The following PLCXD3 variants were observed in gnomAD, a reference collection of about 807,000 sequenced individuals.
PLCXD3 encodes the protein phosphatidylinositol specific phospholipase C X domain containing 3.
A neutral mutation model predicts 25.5 loss-of-function variants in PLCXD3; 19 were observed. That is an observed-to-expected ratio of 0.75 (90% CI 0.52 to 1.09). The LOEUF (loss-of-function observed/expected upper bound fraction) is 1.09. Among genes scored for constraint, PLCXD3 ranks in the 50% least tolerant of loss-of-function variants. The pLI is 0.00. For synonymous variants in PLCXD3, 174 were observed against 137.6 expected (o/e 1.26, Z -1.85); for missense variants, 411 against 388.1 (o/e 1.06, Z -0.50).
intron 1 of PLCXD3, among the ~76,000 whole-genome samples, chr5:41,425,970 G>A (rs1006699803): frequency 4.6e-5 from 7 of 152,122 alleles, no homozygotes; most frequent in African/African-American, 1.2e-4. Context: ...GGTAAATGCC[G>A]AGGAATGTGA....
chr5:41,423,743 C>T (rs1029816974), intron 1 of PLCXD3, among the ~76,000 whole-genome samples: 15 of 152,058 alleles, frequency 9.9e-5, no homozygotes, highest in Non-Finnish European at 1.8e-4. Context: ...GTCAGGAGTT[C>T]GAGACCAGCC....
At chr5:41,482,325 G>A (rs1418237367) in intron 1 of PLCXD3, among the ~76,000 whole-genome samples, 7 of 152,070 alleles carry the variant, frequency 4.6e-5, no homozygotes, top group African/African-American at 1.2e-4. Flanking sequence ...TGGTGCTACC[G>A]ACCCTATCCA....
chr5:41,336,051 G>A (rs573330958), intron 2 of PLCXD3, among the ~76,000 whole-genome samples: 17 of 152,196 alleles, frequency 1.1e-4, no homozygotes, highest in Admixed American at 3.9e-4. Context: ...CCCTCCAATC[G>A]ATTCAGGAAG....
At chr5:41,459,852 C>T (rs760297806) in intron 1 of PLCXD3, among the ~76,000 whole-genome samples, 10 of 151,920 alleles carry the variant, frequency 6.6e-5, no homozygotes, top group Non-Finnish European at 1.2e-4. Context: ...AGTGTACAAT[C>T]AAGCAAGCGA....
chr5:41,502,718 A>G (rs558162165), intron 1 of PLCXD3, among the ~76,000 whole-genome samples: 24 of 152,268 alleles, frequency 1.6e-4, no homozygotes, highest in South Asian at 6.2e-4. Flanking sequence ...ATGTTCATCC[A>G]TTGAAGTTTT....
intron 1 of PLCXD3, among the ~76,000 whole-genome samples, chr5:41,484,518 AT>A (rs1167335351): frequency 2.0e-5 from 3 of 152,278 alleles, no homozygotes; most frequent in African/African-American, 7.2e-5. Flanking sequence ...GCCCTATTAC[AT>A]TGCTTAAATG....
At chr5:41,344,258 A>C (rs1744243554) in intron 2 of PLCXD3, among the ~76,000 whole-genome samples, 1 of 152,148 alleles carries the variant, frequency 6.6e-6, no homozygotes, top group Non-Finnish European at 1.5e-5. Flanking sequence ...TTTGGCCAGA[A>C]GATTAAGTGC....
intron 1 of PLCXD3, among the ~76,000 whole-genome samples, chr5:41,393,935 G>GA (rs1190389117): frequency 2.7e-5 from 4 of 150,860 alleles, no homozygotes; most frequent in East Asian, 2.0e-4. Flanking sequence ...ATCAAAAAAA[G>GA]AAAAAAAACA....
intron 1 of PLCXD3, among the ~76,000 whole-genome samples, chr5:41,499,669 C>T (rs1352306321): frequency 1.3e-5 from 2 of 151,790 alleles, no homozygotes; most frequent in East Asian, 3.9e-4. Context: ...CCACATAGGA[C>T]TCCAAAAACC....
At chr5:41,365,183 T>G (rs2064760511) in intron 2 of PLCXD3, among the ~76,000 whole-genome samples, 1 of 152,202 alleles carries the variant, frequency 6.6e-6, no homozygotes, top group South Asian at 2.1e-4. Context: ...GCACAATTTT[T>G]CACCATAGAA....
chr5:41,328,574 A>C (rs1351966488), intron 2 of PLCXD3, among the ~76,000 whole-genome samples: 1 of 152,186 alleles, frequency 6.6e-6, no homozygotes, highest in Admixed American at 6.6e-5. Context: ...GTACAACAGC[A>C]GGTCCCAAAT....
chr5:41,318,672 A>AC (rs1743370699), intron 2 of PLCXD3, among the ~76,000 whole-genome samples: 1 of 152,138 alleles, frequency 6.6e-6, no homozygotes, highest in African/African-American at 2.4e-5. Context: ...GACAGGAAGG[A>AC]AAGAAAAAAG....
At chr5:41,428,918 C>T (rs1028653364) in intron 1 of PLCXD3, among the ~76,000 whole-genome samples, 2 of 152,070 alleles carry the variant, frequency 1.3e-5, no homozygotes, top group African/African-American at 4.8e-5. Context: ...TAACCATAGA[C>T]TATTTCAAAG....
chr5:41,477,757 T>C (rs895407151), intron 1 of PLCXD3, among the ~76,000 whole-genome samples: 2 of 152,156 alleles, frequency 1.3e-5, no homozygotes, highest in Admixed American at 6.5e-5. Context: ...TTCCTACTTA[T>C]CCACTCCCGA....
chr5:41,357,059 C>T (rs1744639088), intron 2 of PLCXD3, among the ~76,000 whole-genome samples: 1 of 152,194 alleles, frequency 6.6e-6, no homozygotes, highest in African/African-American at 2.4e-5. Flanking sequence ...CACGCTTGAC[C>T]TAACTCTGAG....
chr5:41,330,729 T>A (rs1241838061), intron 2 of PLCXD3, among the ~76,000 whole-genome samples: 1 of 152,002 alleles, frequency 6.6e-6, no homozygotes, highest in Non-Finnish European at 1.5e-5. Context: ...CAGCAGCACA[T>A]CAAAAAGCTT....
At chr5:41,349,310 G>C (rs1372498802) in intron 2 of PLCXD3, among the ~76,000 whole-genome samples, 1 of 152,154 alleles carries the variant, frequency 6.6e-6, no homozygotes, top group Non-Finnish European at 1.5e-5. Context: ...GCTATCAGAA[G>C]TTCAAAATTT....
At chr5:41,375,677 A>G (rs185611567) in intron 2 of PLCXD3, among the ~76,000 whole-genome samples, 1 of 152,130 alleles carries the variant, frequency 6.6e-6, no homozygotes, top group Admixed American at 6.5e-5. Context: ...ACACACTTCA[A>G]ACCTTCTCTT....
chr5:41,443,509 A>T (rs1747428528), intron 1 of PLCXD3, among the ~76,000 whole-genome samples: 1 of 152,218 alleles, frequency 6.6e-6, no homozygotes, highest in African/African-American at 2.4e-5. Context: ...ACATGTTATT[A>T]TTGTCTATAT....
Sources: allele counts gnomAD v4.1 joint callset (sites outside exome capture counted in the v4.1 genomes callset), GRCh38; gene constraint gnomAD v4.1.1; transcripts MANE v1.5; gene names NCBI Gene and HGNC (gene_info 2026-07-23, HGNC 2026-07-21).